Variants in GRM8 observed in about 807,000 individuals in gnomAD.
The protein encoded by GRM8 is glutamate metabotropic receptor 8.
GRM8 carries 47 observed loss-of-function variants against 87.2 expected under a neutral mutation model. That is an observed-to-expected ratio of 0.54 (90% CI 0.43 to 0.69). The LOEUF is 0.69. Among genes scored for constraint, GRM8 ranks in the 30% least tolerant of loss-of-function variants. The probability of loss-of-function intolerance (pLI) is 0.00; values close to 1 mark genes in which losing one functional copy is unlikely to be tolerated. For synonymous variants in GRM8, 396 were observed against 404.5 expected (o/e 0.98, Z 0.25); for missense variants, 1,019 against 1,139.2 (o/e 0.89, Z 1.52).
chr7:127,169,389 G>A (rs1279436431), intron 2 of GRM8, among the ~76,000 whole-genome samples: 2 of 152,182 alleles, frequency 1.3e-5, no homozygotes, highest in Non-Finnish European at 2.9e-5. Flanking sequence ...AGAAAGGTGA[G>A]GAGCCAGCAG....
At chr7:126,682,494 A>G (rs1226970053) in intron 7 of GRM8, among the ~76,000 whole-genome samples, 3 of 152,230 alleles carry the variant, frequency 2.0e-5, no homozygotes, top group African/African-American at 7.2e-5. Flanking sequence ...GATCTTGTAG[A>G]TGATAGTTTT....
intron 9 of GRM8, among the ~76,000 whole-genome samples, chr7:126,477,585 A>G (rs868562581): frequency 1.9e-4 from 11 of 56,686 alleles, no homozygotes; most frequent in South Asian, 1.4e-3. Context: ...GAAAGAGAGA[A>G]AGAAAGAAAG....
intron 2 of GRM8, among the ~76,000 whole-genome samples, chr7:127,217,344 C>G (rs981377153): frequency 1.3e-5 from 2 of 152,084 alleles, no homozygotes; most frequent in African/African-American, 4.8e-5. Context: ...GGCAGCTTAC[C>G]AAAGACCCTA....
At chr7:126,855,417 T>A (rs948746744) in intron 6 of GRM8, among the ~76,000 whole-genome samples, 1 of 151,664 alleles carries the variant, frequency 6.6e-6, no homozygotes, top group African/African-American at 2.4e-5. Context: ...TTGTCCAAAG[T>A]CACGGTAGGA....
intron 7 of GRM8, among the ~76,000 whole-genome samples, chr7:126,762,961 T>C (rs949879595): frequency 6.6e-6 from 1 of 151,960 alleles, no homozygotes; most frequent in Non-Finnish European, 1.5e-5. Flanking sequence ...AATTGGACTT[T>C]CTTTGATTAT....
intron 2 of GRM8, among the ~76,000 whole-genome samples, chr7:127,239,214 A>T (rs544649307): frequency 6.6e-6 from 1 of 152,356 alleles, no homozygotes; most frequent in African/African-American, 2.4e-5. Context: ...AAACTGAGAC[A>T]TTTAGGGATC....
chr7:126,545,617 T>A (rs898822984), intron 8 of GRM8, among the ~76,000 whole-genome samples: 1 of 152,232 alleles, frequency 6.6e-6, no homozygotes, highest in African/African-American at 2.4e-5. Context: ...TTCATGTTTT[T>A]AAACTTAAAA....
At chr7:127,036,369 T>C (rs1418439925) in intron 3 of GRM8, among the ~76,000 whole-genome samples, 1 of 152,136 alleles carries the variant, frequency 6.6e-6, no homozygotes, top group East Asian at 1.9e-4. Flanking sequence ...TGCAACCCTT[T>C]CTCCAGCATT....
intron 3 of GRM8, among the ~76,000 whole-genome samples, chr7:127,019,909 C>G (rs1228205950): frequency 6.6e-6 from 1 of 152,042 alleles, no homozygotes; most frequent in African/African-American, 2.4e-5. Context: ...ACTGCAAGCT[C>G]TCTGCAAACA....
chr7:126,831,803 G>C (rs552533870), intron 6 of GRM8, among the ~76,000 whole-genome samples: 1 of 152,120 alleles, frequency 6.6e-6, no homozygotes, highest in Admixed American at 6.5e-5. Context: ...GCTGTAGACC[G>C]GAGCTGTTCC....
At chr7:126,493,883 G>A (rs998150674) in intron 9 of GRM8, among the ~76,000 whole-genome samples, 1 of 152,110 alleles carries the variant, frequency 6.6e-6, no homozygotes, top group African/African-American at 2.4e-5. Context: ...CTAGGAATGC[G>A]TAACTCAGCC....
intron 9 of GRM8, among the ~76,000 whole-genome samples, chr7:126,520,049 C>T (rs144179447): frequency 6.9e-4 from 104 of 151,750 alleles, no homozygotes; most frequent in African/African-American, 2.5e-3. Flanking sequence ...AACAGAGAAA[C>T]ATAAGGTAGG....
chr7:127,135,617 C>CAAAAAAAAAAAAAAAAAAAAAAAAAAAAA (rs1168682673), intron 2 of GRM8, among the ~76,000 whole-genome samples: 1 of 36,840 alleles, frequency 2.7e-5, no homozygotes. Flanking sequence ...GACTCCGTCT[C>CAAAAAAAAAAAAAAAAAAAAAAAAAAAAA]AAAAAAAAAA....
intron 7 of GRM8, among the ~76,000 whole-genome samples, chr7:126,668,275 G>T (rs566197932): frequency 6.6e-6 from 1 of 152,260 alleles, no homozygotes; most frequent in Admixed American, 6.5e-5. Flanking sequence ...ATAGCCGTAG[G>T]ACGGACAAGG....
chr7:126,616,823 CAAG>C (rs1456066426), intron 7 of GRM8, among the ~76,000 whole-genome samples: 1 of 152,036 alleles, frequency 6.6e-6, no homozygotes, highest in Non-Finnish European at 1.5e-5. Context: ...AAGACTAAAC[CAAG>C]AAGAACTTGA....
chr7:126,566,958 A>T (rs1348669214), intron 8 of GRM8, among the ~76,000 whole-genome samples: 1 of 152,162 alleles, frequency 6.6e-6, no homozygotes, highest in Non-Finnish European at 1.5e-5. Context: ...TCTCACTCCT[A>T]TGTGGAATCT....
chr7:126,734,659 T>A (rs1250249112), intron 7 of GRM8, among the ~76,000 whole-genome samples: 4 of 151,922 alleles, frequency 2.6e-5, no homozygotes, highest in African/African-American at 9.7e-5. Flanking sequence ...GAATTCAATG[T>A]TTCATTATTA....
At chr7:127,066,333 T>A (rs1471392381) in intron 3 of GRM8, among the ~76,000 whole-genome samples, 2 of 152,202 alleles carry the variant, frequency 1.3e-5, no homozygotes, top group Non-Finnish European at 2.9e-5. Context: ...ATAACTGATA[T>A]CAGGCCTTGG....
intron 1 of GRM8, among the ~76,000 whole-genome samples, chr7:127,245,336 C>A (rs528008765): frequency 6.6e-6 from 1 of 152,312 alleles, no homozygotes; most frequent in African/African-American, 2.4e-5. Flanking sequence ...AGAGTACAGA[C>A]TAAATGAATA....
Sources: allele counts gnomAD v4.1 joint callset (sites outside exome capture counted in the v4.1 genomes callset), GRCh38; gene constraint gnomAD v4.1.1; transcripts MANE v1.5; gene names NCBI Gene and HGNC (gene_info 2026-07-23, HGNC 2026-07-21).